Variants in RALGAPA1 observed in about 807,000 individuals in gnomAD.
The protein encoded by RALGAPA1 is ral GTPase-activating protein subunit alpha-1.
RALGAPA1 carries 52 observed loss-of-function variants against 269.6 expected under a neutral mutation model. The observed-to-expected ratio is 0.19, with a 90% CI of 0.15 to 0.24. RALGAPA1 has a LOEUF of 0.24. Among genes scored for constraint, RALGAPA1 ranks in the 10% least tolerant of loss-of-function variants. The pLI, the probability that RALGAPA1 is intolerant of heterozygous loss-of-function variation, is 1.00. For synonymous variants in RALGAPA1, 817 were observed against 1,008.3 expected, an observed-to-expected ratio of 0.81 and a Z score of 3.60; for missense variants, 1,917 against 3,013.9, an observed-to-expected ratio of 0.64 and a Z score of 8.52.
At chr14:35,596,381 C>G (rs1193345408) in intron 36 of RALGAPA1, among the ~76,000 whole-genome samples, 1 of 151,808 alleles carries the variant, frequency 6.6e-6, no homozygotes, top group Non-Finnish European at 1.5e-5. Context: ...GGATGATATT[C>G]CCCGGACCTG....
At chr14:35,704,370 AT>A (rs753872258) in intron 16 of RALGAPA1, among the ~76,000 whole-genome samples, 1 of 152,146 alleles carries the variant, frequency 6.6e-6, no homozygotes, top group Non-Finnish European at 1.5e-5. Context: ...AAACTTAACT[AT>A]TAATAACAAA....
At chr14:35,539,975 C>A (rs568915329) in intron 41 of RALGAPA1, among the ~76,000 whole-genome samples, 4 of 152,094 alleles carry the variant, frequency 2.6e-5, no homozygotes, top group Non-Finnish European at 5.9e-5. Context: ...CCAGAAAGAA[C>A]AGGGATCCAA....
At chr14:35,673,990 C>G (rs2064729376) in intron 24 of RALGAPA1, among the ~76,000 whole-genome samples, 190 bp downstream of exon 24, 1 of 152,126 alleles carries the variant, frequency 6.6e-6, no homozygotes, top group Admixed American at 6.5e-5. Flanking sequence ...ATGAAATAAT[C>G]AAAAGCAATA....
intron 37 of RALGAPA1, among the ~76,000 whole-genome samples, chr14:35,578,125 T>A (rs1482213078): frequency 1.3e-5 from 2 of 152,288 alleles, no homozygotes; most frequent in East Asian, 3.9e-4. Flanking sequence ...GATGCAACAA[T>A]GAGTAAAAAC....
intron 16 of RALGAPA1, chr14:35,707,103 C>T (rs1291012584): frequency 1.3e-5 from 2 of 152,114 alleles, no homozygotes; most frequent in Non-Finnish European, 2.9e-5. Flanking sequence ...ATTTTTGATG[C>T]TAATGTAAAT....
At chr14:35,662,790 A>AAAAAC (rs1566947185) in intron 27 of RALGAPA1, among the ~76,000 whole-genome samples, 5 of 152,226 alleles carry the variant, frequency 3.3e-5, no homozygotes, top group African/African-American at 9.6e-5. Context: ...CAGAACAGTA[A>AAAAAC]AAAACAAAAC....
chr14:35,776,065 C>T (rs1382970503), intron 1 of RALGAPA1, among the ~76,000 whole-genome samples: 1 of 152,162 alleles, frequency 6.6e-6, no homozygotes, highest in Non-Finnish European at 1.5e-5. Flanking sequence ...CTCCCCAAGA[C>T]AGTTGAAAAT....
At chr14:35,795,667 G>A (rs776880234) in intron 1 of RALGAPA1, among the ~76,000 whole-genome samples, 4 of 151,894 alleles carry the variant, frequency 2.6e-5, no homozygotes, top group Admixed American at 6.6e-5. Flanking sequence ...ATTGTATCCC[G>A]GAAAAAAGCT....
In RALGAPA1 at chr14:35,700,246, C is replaced by T; in HGVS notation, c.2323G>A (p.Ala775Thr). ...CALPSAYIRS[A>T]KSAPVLIHTS... ...TGGATCAGAACAGGAGCACTTTTAG[C>T]ACTGCGTATATAGGCCGATGGCAGA... is the stretch of plus-strand genomic sequence containing the variant. Residue 775 changes from alanine (A) to threonine (T), a missense_variant, in exon 17 of 42, where the codon GCT becomes ACT. Ala to Thr is a moderately conservative substitution (Grantham distance 58). This residue lies in a region of RALGAPA1 where 125 missense variants were observed against 155.7 expected (regional missense o/e 0.80). Coordinates refer to ENST00000680220, the MANE Select transcript of RALGAPA1 (RefSeq NM_001346249.2). 2.0e-6 allele frequency: 3 copies of T among 1,535,738 alleles called. No individual in the cohort carries two copies. Among genetic ancestry groups the T allele is most frequent in the Non-Finnish European group, 2.6e-6 (3 of 1,146,690 alleles).
rs531862867 is a variant in RALGAPA1, at chr14:35,779,328, T to A, written c.107-3583A>T. ...GTTGTTTGAGGCCAGGAGTTTGAGA[T>A]CAGCCTGGGCAACACATTGAGATTC... On this transcript the variant is annotated intron_variant, in intron 1 of 41. Transcript: ENST00000680220. 9.7e-4 allele frequency among the ~76,000 whole-genome samples: 147 copies of A among 151,984 alleles called. 1 individual carries two copies. The Middle Eastern group carries it at 0.017, about 18-fold the overall frequency.
intron 31 of RALGAPA1, among the ~76,000 whole-genome samples, chr14:35,647,416 T>C (rs1455267875): frequency 6.6e-6 from 1 of 152,188 alleles, no homozygotes; most frequent in African/African-American, 2.4e-5. Context: ...ATATCATACA[T>C]GAGAAATGCC....
intron 35 of RALGAPA1, among the ~76,000 whole-genome samples, chr14:35,622,536 T>C (rs762859877): frequency 6.6e-6 from 1 of 151,992 alleles, no homozygotes; most frequent in South Asian, 2.1e-4. Context: ...AATAAATATA[T>C]ACACTTACAA....
chr14:35,608,490 C>G (rs2059721768), intron 35 of RALGAPA1, among the ~76,000 whole-genome samples: 1 of 152,064 alleles, frequency 6.6e-6, no homozygotes, highest in African/African-American at 2.4e-5. Flanking sequence ...TTCAAAGACA[C>G]AGATAAAGTT....
At chr14:35,638,746 G>A (rs1221267567) in intron 31 of RALGAPA1, among the ~76,000 whole-genome samples, 1 of 151,980 alleles carries the variant, frequency 6.6e-6, no homozygotes, top group African/African-American at 2.4e-5. Flanking sequence ...CCTGCATGGT[G>A]AAATCCTATC....
Position 35,700,346 on chromosome 14 carries a change from A to C in RALGAPA1, c.2267-44T>G, listed in dbSNP as rs200613433. On this transcript the variant is annotated intron_variant, in intron 16 of 41. Coordinates refer to ENST00000680220, the MANE Select transcript of RALGAPA1 (RefSeq NM_001346249.2). ...AAGAAGTGGGGAAGGAAAAAAGAAG[A>C]GTGACTATAATGAAAGGCTCGTGTC... is the stretch of plus-strand genomic sequence containing the variant. The C allele has an allele frequency of 6.9e-5, 100 of 1,458,752 alleles. 2 individuals are homozygous for C. The highest frequency in any genetic ancestry group is 6.8e-4 in the South Asian group (49 of 72,390). 90.4% of individuals were successfully genotyped at this position (1,458,752 alleles called of 1,614,324 possible). A position where few individuals can be genotyped will look rare whatever the true frequency, so the allele number is the denominator to read the frequency against.
chr14:35,760,933 A>G lies in RALGAPA1; in HGVS notation c.443T>C (p.Leu148Pro). 6.2e-7 allele frequency: 1 copy of G among 1,611,152 alleles called. No homozygotes were observed. Residue 148 changes from leucine (L) to proline (P), a missense_variant, in exon 6 of 42, where the codon CTC becomes CCC. Transcript: ENST00000680220. ...ALQNNCSKEQ[L>P]WMFSCLIPGF... is the part of the protein sequence containing the mutation. ...AGGGATTAAGCATGAAAACATCCAGAGCTGTTCTTTGCTACAGTTATTCTG... is the reference window on the plus strand; with the variant it reads ...AGGGATTAAGCATGAAAACATCCAGGGCTGTTCTTTGCTACAGTTATTCTG...
intron 22 of RALGAPA1, 121 bp downstream of exon 22, chr14:35,677,829 T>C (rs2065077663): frequency 4.3e-6 from 4 of 930,328 alleles, no homozygotes; most frequent in Non-Finnish European, 6.4e-6. Flanking sequence ...CCAAAGGACT[T>C]AGAAAAGTCC....
At chr14:35,627,049 G>GAAAAAAAAAA in intron 34 of RALGAPA1, 41 bp downstream of exon 34, 1 of 1,130,104 alleles carries the variant, frequency 8.8e-7, no homozygotes. Flanking sequence ...GAATAAGACC[G>GAAAAAAAAAA]AAAAAAAAAA....
chr14:35,794,689 CTCG>C (rs2076433363), intron 1 of RALGAPA1, among the ~76,000 whole-genome samples: 1 of 152,208 alleles, frequency 6.6e-6, no homozygotes, highest in Non-Finnish European at 1.5e-5. Flanking sequence ...ATCTCCTGAC[CTCG>C]TGATCCGCCC....
Sources: allele counts gnomAD v4.1 joint callset (sites outside exome capture counted in the v4.1 genomes callset), GRCh38; gene constraint gnomAD v4.1.1; regional missense constraint gnomAD v4.1.1; transcripts MANE v1.5; gene names NCBI Gene and HGNC (gene_info 2026-07-23, HGNC 2026-07-21).